Variants in TBC1D22A observed in about 807,000 individuals in gnomAD.
TBC1D22A encodes the protein putative GTPase activator.
A neutral mutation model predicts 60.2 loss-of-function variants in TBC1D22A; 38 were observed. The ratio of observed to expected loss-of-function variants is 0.63; its 90% CI spans 0.49 to 0.83. The LOEUF (loss-of-function observed/expected upper bound fraction) is 0.83, where lower values mean the gene tolerates loss of function less well. TBC1D22A is among the 40% of genes least tolerant of loss of function. The probability of loss-of-function intolerance (pLI) is 0.00; values close to 1 mark genes in which losing one functional copy is unlikely to be tolerated. For synonymous variants in TBC1D22A, 302 were observed against 281.7 expected (o/e 1.07, Z -0.72); for missense variants, 628 against 701.0 (o/e 0.90, Z 1.18).
chr22:47,140,634 C>G (rs2055674833), intron 12 of TBC1D22A, among the ~76,000 whole-genome samples: 1 of 152,200 alleles, frequency 6.6e-6, no homozygotes, highest in South Asian at 2.1e-4. Flanking sequence ...GCTCGTTTAT[C>G]CGGAAGCTGG....
At chr22:47,034,482 A>T (rs62225120) in intron 10 of TBC1D22A, among the ~76,000 whole-genome samples, 1 of 141,088 alleles carries the variant, frequency 7.1e-6, no homozygotes, top group Non-Finnish European at 1.6e-5. Flanking sequence ...GTGATGATGA[A>T]GAGGAGGGGG....
At chr22:46,766,737 C>G (rs534211423) in intron 1 of TBC1D22A, among the ~76,000 whole-genome samples, 4 of 152,064 alleles carry the variant, frequency 2.6e-5, no homozygotes, top group Non-Finnish European at 5.9e-5. Context: ...GTGGTTTCAA[C>G]ATGTTGGTGT....
intron 1 of TBC1D22A, among the ~76,000 whole-genome samples, chr22:46,769,542 C>G (rs2083416010): frequency 1.3e-5 from 2 of 152,176 alleles, no homozygotes; most frequent in Admixed American, 1.3e-4. Flanking sequence ...TTACACAGGT[C>G]CCGCTTCCGC....
At chr22:46,833,884 G>A (rs997946281) in intron 4 of TBC1D22A, among the ~76,000 whole-genome samples, 1 of 152,214 alleles carries the variant, frequency 6.6e-6, no homozygotes, top group Non-Finnish European at 1.5e-5. Context: ...GCAACCATAG[G>A]CCAGGGTGCA....
chr22:46,779,450 G>T (rs778765548), intron 1 of TBC1D22A, among the ~76,000 whole-genome samples: 1 of 152,034 alleles, frequency 6.6e-6, no homozygotes, highest in African/African-American at 2.4e-5. Flanking sequence ...GTAGAGACGG[G>T]GTTTCACCAT....
At chr22:46,988,912 T>C (rs1163917263) in intron 9 of TBC1D22A, among the ~76,000 whole-genome samples, 1 of 152,234 alleles carries the variant, frequency 6.6e-6, no homozygotes, top group African/African-American at 2.4e-5. Context: ...CTTCTTCCAG[T>C]AGAAGGCTGT....
At chr22:46,884,482 C>A (rs2068010640) in intron 5 of TBC1D22A, among the ~76,000 whole-genome samples, 1 of 152,320 alleles carries the variant, frequency 6.6e-6, no homozygotes, top group South Asian at 2.1e-4. Flanking sequence ...GGGCTCCTCC[C>A]ACAGCCGGGG....
At position 47,089,712 on chromosome 22, in the gene TBC1D22A, C is replaced by T. The variant is rs115388393; in HGVS notation, c.1330-21796C>T. Among the ~76,000 whole-genome samples, 404 of 152,238 alleles carry T rather than the reference C, an allele frequency of 2.7e-3. 1 individual carries two copies. The highest frequency in any genetic ancestry group is 9.4e-3 in the African/African-American group (392 of 41,532). On this transcript the variant is annotated intron_variant, in intron 11 of 12. Coordinates refer to ENST00000337137, the MANE Select transcript of TBC1D22A (RefSeq NM_014346.5). Reference sequence around the variant, plus strand: ...GTTGTGCAGAACCTGTATAATTTTCCTTGTTTTAGATCGTAAGAAATTCTT... The same window carrying T: ...GTTGTGCAGAACCTGTATAATTTTCTTTGTTTTAGATCGTAAGAAATTCTT...
intron 11 of TBC1D22A, among the ~76,000 whole-genome samples, chr22:47,074,348 A>C (rs1285583238): frequency 6.6e-6 from 1 of 152,184 alleles, no homozygotes; most frequent in African/African-American, 2.4e-5. Context: ...CAACACATCT[A>C]TTAAGGGGAA....
At chr22:46,977,719 A>G (rs754291876) in intron 9 of TBC1D22A, among the ~76,000 whole-genome samples, 1 of 152,156 alleles carries the variant, frequency 6.6e-6, no homozygotes, top group Non-Finnish European at 1.5e-5. Context: ...GAAACTTTCA[A>G]TTATGGCAGA....
At chr22:47,160,436 T>C (rs982981672) in intron 12 of TBC1D22A, among the ~76,000 whole-genome samples, 1 of 152,048 alleles carries the variant, frequency 6.6e-6, no homozygotes, top group African/African-American at 2.4e-5. Flanking sequence ...GGTCAGCGGG[T>C]GGAGGTCTTC....
In TBC1D22A at chr22:46,904,142, T is replaced by TCTATCTATCTGC. The variant is rs57116517; in HGVS notation, c.901-7929_901-7928insTCTATCTGCCTA. On this transcript the variant is annotated intron_variant, in intron 7 of 12. Transcript: ENST00000337137. Reference sequence around the variant, plus strand: ...ATCTATCTATCTATCTATCTATCTATCTACCTACCTACCTACCTACCTACC... The same window carrying TCTATCTATCTGC: ...ATCTATCTATCTATCTATCTATCTATCTATCTATCTGCCTACCTACCTACCTACCTACCTACC... Among the ~76,000 whole-genome samples the TCTATCTATCTGC allele has an allele frequency of 5.9e-4, 80 of 134,574 alleles. 2 individuals are homozygous for TCTATCTATCTGC. In the Middle Eastern group the frequency reaches 0.015, roughly 25 times the overall value. The allele number at this position is 134,574 out of a possible 152,430, so 88.3% of individuals were successfully genotyped here.
intron 7 of TBC1D22A, among the ~76,000 whole-genome samples, chr22:46,909,568 CAG>C (rs1340000050): frequency 1.3e-5 from 2 of 152,200 alleles, no homozygotes; most frequent in Non-Finnish European, 2.9e-5. Context: ...AGGTGCTGGG[CAG>C]AGTTTCCCCA....
At chr22:46,944,428 T>A (rs1281379301) in intron 8 of TBC1D22A, among the ~76,000 whole-genome samples, 2 of 152,258 alleles carry the variant, frequency 1.3e-5, no homozygotes, top group African/African-American at 4.8e-5. Context: ...AGACGGAGTC[T>A]TGCTCCGTCT....
chr22:46,975,789 C>T (rs1386047132), intron 9 of TBC1D22A, among the ~76,000 whole-genome samples: 1 of 152,228 alleles, frequency 6.6e-6, no homozygotes, highest in Non-Finnish European at 1.5e-5. Context: ...TAAAAGGTTC[C>T]GTTGAGGAAA....
intron 4 of TBC1D22A, among the ~76,000 whole-genome samples, chr22:46,832,394 T>TA (rs2086349340): frequency 6.6e-6 from 1 of 152,256 alleles, no homozygotes; most frequent in South Asian, 2.1e-4. Context: ...CTCACGCCTG[T>TA]AATCCCAGCA....
chr22:47,127,721 C>T lies in TBC1D22A; in HGVS notation c.1425+16118C>T, dbSNP rs549581444. 4.9e-4 allele frequency among the ~76,000 whole-genome samples: 75 copies of T among 152,192 alleles called. 3 individuals carry two copies. In the South Asian group the frequency reaches 0.015, roughly 30 times the overall value. On this transcript the variant is annotated intron_variant, in intron 12 of 12. Coordinates refer to ENST00000337137, the MANE Select transcript of TBC1D22A (RefSeq NM_014346.5). ...GAGAATGTGAGTGGCAGGCACTGAG[C>T]ACTTTTCCCAGGTAGCAGGAGGAGC...
chr22:47,030,954 G>A (rs1480105704), intron 10 of TBC1D22A, among the ~76,000 whole-genome samples: 2 of 152,182 alleles, frequency 1.3e-5, no homozygotes, highest in Admixed American at 6.5e-5. Context: ...CCTTCATGAC[G>A]TGCTGCCAGA....
intron 9 of TBC1D22A, among the ~76,000 whole-genome samples, chr22:46,978,901 G>A (rs536791273): frequency 3.3e-5 from 5 of 152,268 alleles, no homozygotes; most frequent in African/African-American, 9.6e-5. Flanking sequence ...GAGCCACCGC[G>A]CCCGGCCAGG....
Sources: allele counts gnomAD v4.1 joint callset (sites outside exome capture counted in the v4.1 genomes callset), GRCh38; gene constraint gnomAD v4.1.1; transcripts MANE v1.5; gene names NCBI Gene and HGNC (gene_info 2026-07-23, HGNC 2026-07-21).